The following PIEZO2 variants were observed in gnomAD, a reference collection of about 807,000 sequenced individuals.
PIEZO2 encodes the protein piezo type mechanosensitive ion channel component 2, also known as piezo-type mechanosensitive ion channel component 2.
A neutral mutation model predicts 337.3 loss-of-function variants in PIEZO2; 172 were observed. The ratio of observed to expected loss-of-function variants is 0.51; its 90% CI spans 0.45 to 0.58. The LOEUF is 0.58. PIEZO2 is among the 20% of genes least tolerant of loss of function. PIEZO2 has a pLI of 0.00. For synonymous variants in PIEZO2, 1,251 were observed against 1,228.5 expected, an observed-to-expected ratio of 1.02 and a Z score of -0.38; for missense variants, 3,028 against 3,391.3, an observed-to-expected ratio of 0.89 and a Z score of 2.66.
intron 42 of PIEZO2, 65 bp downstream of exon 42, chr18:10,704,329 A>C: frequency 6.6e-7 from 1 of 1,507,798 alleles, no homozygotes; most frequent in Non-Finnish European, 8.8e-7. Context: ...GCACAGGGAC[A>C]CAAGGTATGC....
Position 11,146,611 on chromosome 18 carries a change from A to G in PIEZO2, c.64+1914T>C, listed in dbSNP as rs542938305. Among the ~76,000 whole-genome samples the G allele has an allele frequency of 6.6e-6, 1 of 152,232 alleles. No homozygotes were observed. Among genetic ancestry groups the G allele is most frequent in the South Asian group, 2.1e-4 (1 of 4,828 alleles). On this transcript the variant is annotated intron_variant, in intron 1 of 55. Transcript: ENST00000674853. This position sits in a 1 kb window ranked among gnomAD's most constrained non-coding sequence, Gnocchi z 6.1. ...CCTTTAGTAGGACTGACAGGCCCCA[A>G]CCCCAGCATCCGCGGGGCTTGGAGG...
At chr18:10,935,419 C>T (rs922217294) in intron 3 of PIEZO2, among the ~76,000 whole-genome samples, 4 of 152,048 alleles carry the variant, frequency 2.6e-5, no homozygotes, top group African/African-American at 9.7e-5. Flanking sequence ...AAAATAACAA[C>T]GGAGGTAGAT....
chr18:10,698,824 A>G, intron 44 of PIEZO2, 101 bp downstream of exon 44: 1 of 1,381,352 alleles, frequency 7.2e-7, no homozygotes, highest in Non-Finnish European at 9.7e-7. Context: ...CTGTCTCTTG[A>G]TAGCACCCAA....
rs1368023375 is a variant in PIEZO2 at position 10,967,011 on chromosome 18, G to GTTTTTTTTTTTTTTTTTTTTTTTTT, written c.286+12523_286+12524insAAAAAAAAAAAAAAAAAAAAAAAAA. Among the ~76,000 whole-genome samples, 3 of 109,392 alleles carry GTTTTTTTTTTTTTTTTTTTTTTTTT rather than the reference G, an allele frequency of 2.7e-5. 1 individual carries two copies. Among genetic ancestry groups the GTTTTTTTTTTTTTTTTTTTTTTTTT allele is most frequent in the Non-Finnish European group, 3.8e-5 (2 of 52,756 alleles). The allele number at this position is 109,392 out of a possible 152,430, so 71.8% of individuals were successfully genotyped here. On this transcript the variant is annotated intron_variant, in intron 3 of 55. Coordinates refer to ENST00000674853, the MANE Select transcript of PIEZO2 (RefSeq NM_001378183.1). ...TGTGTATATATACCACATTTTCTCTGTTTTTTGTTTTTTTTTTTTTTTTTG... is the reference window on the plus strand; with the variant it reads ...TGTGTATATATACCACATTTTCTCTGTTTTTTTTTTTTTTTTTTTTTTTTTTTTTTTGTTTTTTTTTTTTTTTTTG...
At chr18:10,714,148 G>T (rs754979762) in intron 39 of PIEZO2, among the ~76,000 whole-genome samples, 13 of 152,138 alleles carry the variant, frequency 8.5e-5, no homozygotes, top group Non-Finnish European at 1.8e-4. Flanking sequence ...GCAAAACAGG[G>T]ATAATAATAG....
chr18:10,936,220 G>C (rs575238108), intron 3 of PIEZO2, among the ~76,000 whole-genome samples: 8 of 152,282 alleles, frequency 5.3e-5, no homozygotes, highest in African/African-American at 1.9e-4. Flanking sequence ...TTGGGGCCTT[G>C]CCTTACTTTC....
At chr18:10,986,431 A>T (rs538531440) in intron 2 of PIEZO2, among the ~76,000 whole-genome samples, 2 of 152,188 alleles carry the variant, frequency 1.3e-5, no homozygotes, top group South Asian at 2.1e-4. Context: ...ATGATTCAAC[A>T]TACACAAATC....
intron 1 of PIEZO2, among the ~76,000 whole-genome samples, chr18:11,075,650 C>T (rs1032670911): frequency 6.6e-6 from 1 of 152,194 alleles, no homozygotes; most frequent in African/African-American, 2.4e-5. Context: ...ATGCCAGTCT[C>T]TCCCACCACC....
chr18:10,943,708 T>C lies in PIEZO2; in HGVS notation c.287-32480A>G, dbSNP rs1344791993. ...ACTTTGGGGGACTGTTGGGAAGGCA[T>C]GATTGGTTTTGAAATGTGAAGATAT... On this transcript the variant is annotated intron_variant, in intron 3 of 55. Coordinates refer to ENST00000674853, the MANE Select transcript of PIEZO2 (RefSeq NM_001378183.1). The surrounding 1 kb of genome is among the most constrained non-coding windows in gnomAD (Gnocchi z 4.5). 1.3e-5 allele frequency among the ~76,000 whole-genome samples: 2 copies of C among 152,084 alleles called. No homozygotes were observed. The highest frequency in any genetic ancestry group is 2.4e-5 in the African/African-American group (1 of 41,390).
chr18:10,922,798 C>T (rs542398315), intron 3 of PIEZO2, among the ~76,000 whole-genome samples: 1 of 152,184 alleles, frequency 6.6e-6, no homozygotes, highest in South Asian at 2.1e-4. Context: ...ATTACAAAAT[C>T]CTTACATAGA....
In PIEZO2 at chr18:10,855,259, A is replaced by G; in HGVS notation, c.917+94T>C. On this transcript the variant is annotated intron_variant, in intron 7 of 55. Coordinates refer to ENST00000674853, the MANE Select transcript of PIEZO2 (RefSeq NM_001378183.1). The surrounding 1 kb of genome is among the most constrained non-coding windows in gnomAD (Gnocchi z 4.9). ...CTTAACACAGCAATTGCCTGCCATC[A>G]AGAATAACCCCTGTAAATTCACAAT... is the stretch of plus-strand genomic sequence containing the variant. 1 of 1,141,286 alleles carries G rather than the reference A, an allele frequency of 8.8e-7. No homozygotes were observed. The highest frequency in any genetic ancestry group is 1.5e-5 in the South Asian group (1 of 68,750). The allele number at this position is 1,141,286 out of a possible 1,614,324, so 70.7% of individuals were successfully genotyped here. A position where few individuals can be genotyped will look rare whatever the true frequency, so the allele number is the denominator to read the frequency against.
rs2036797065 is a variant in PIEZO2, at chr18:11,033,018, A to T, written c.160+33109T>A. Reference sequence around the variant, plus strand: ...CCTCCCTCTCTTCCAGGGCAAGCGTACAGAGACAGAGTTCCAGGGTCTGGT... The same window carrying T: ...CCTCCCTCTCTTCCAGGGCAAGCGTTCAGAGACAGAGTTCCAGGGTCTGGT... On this transcript the variant is annotated intron_variant, in intron 2 of 55. Coordinates refer to ENST00000674853, the MANE Select transcript of PIEZO2 (RefSeq NM_001378183.1). This position sits in a 1 kb window ranked among gnomAD's most constrained non-coding sequence, Gnocchi z 4.2. 6.6e-6 allele frequency among the ~76,000 whole-genome samples: 1 copy of T among 152,208 alleles called. No homozygotes were observed. The highest frequency in any genetic ancestry group is 2.4e-5 in the African/African-American group (1 of 41,454).
rs2146314459 is a variant in PIEZO2, at chr18:11,148,542, G to A, written c.47C>T (p.Pro16Leu). 1 of 1,537,208 alleles carries A rather than the reference G, an allele frequency of 6.5e-7. No homozygotes were observed. Among genetic ancestry groups the A allele is most frequent in the Non-Finnish European group, 8.7e-7 (1 of 1,146,894 alleles). Residue 16 changes from proline to leucine, a missense_variant, in exon 1 of 56, where the codon CCC becomes CTC. Pro to Leu is a moderately conservative substitution (Grantham distance 98). Coordinates refer to ENST00000674853, the MANE Select transcript of PIEZO2 (RefSeq NM_001378183.1). This position sits in a 1 kb window ranked among gnomAD's most constrained non-coding sequence, Gnocchi z 5.2. ...AGACTCACCTACTGCCAGGCAGATGGGCAGCAGCAGCCTGAAGATGAGCCC... is the reference window on the plus strand; with the variant it reads ...AGACTCACCTACTGCCAGGCAGATGAGCAGCAGCAGCCTGAAGATGAGCCC... Reference protein sequence around the residue: ...VCGLIFRLLLPICLAVACAFR... With the variant: ...VCGLIFRLLLLICLAVACAFR...
intron 36 of PIEZO2, among the ~76,000 whole-genome samples, chr18:10,729,346 C>T (rs555390294): frequency 4.6e-5 from 7 of 152,094 alleles, no homozygotes; most frequent in Non-Finnish European, 8.8e-5. Flanking sequence ...AAAATACAGG[C>T]CGGGCACAGT....
intron 2 of PIEZO2, among the ~76,000 whole-genome samples, chr18:11,000,804 G>T (rs1229984688): frequency 6.6e-6 from 1 of 152,226 alleles, no homozygotes; most frequent in Non-Finnish European, 1.5e-5. Flanking sequence ...CCTATGGAGA[G>T]TTCTGGGAGC....
chr18:10,884,251 G>C (rs1405211527), intron 4 of PIEZO2, among the ~76,000 whole-genome samples: 1 of 152,200 alleles, frequency 6.6e-6, no homozygotes, highest in East Asian at 1.9e-4. Context: ...TTTTATGGCT[G>C]AATAATATTC....
intron 4 of PIEZO2, among the ~76,000 whole-genome samples, chr18:10,900,796 T>C (rs1424969934): frequency 1.3e-5 from 2 of 152,188 alleles, no homozygotes; most frequent in Non-Finnish European, 2.9e-5. Flanking sequence ...CTCCTACTTC[T>C]GCCTCCACAC....
chr18:11,078,628 AT>A lies in PIEZO2; in HGVS notation c.65-12407del, dbSNP rs1303393934. On this transcript the variant is annotated intron_variant, in intron 1 of 55. Coordinates refer to ENST00000674853, the MANE Select transcript of PIEZO2 (RefSeq NM_001378183.1). The surrounding 1 kb of genome is among the most constrained non-coding windows in gnomAD (Gnocchi z 5.3). ...GAGAAGTAGACACACCTTTTATGGC[AT>A]GAATTCAGCCTTGGACTCTGTCTGG... 6.6e-6 allele frequency among the ~76,000 whole-genome samples: 1 copy of A among 152,218 alleles called. No homozygotes were observed. Among genetic ancestry groups the A allele is most frequent in the Non-Finnish European group, 1.5e-5 (1 of 68,044 alleles).
In PIEZO2 at chr18:10,807,156, A is replaced by G; in HGVS notation, c.1036T>C (p.Tyr346His). 2.6e-6 allele frequency: 4 copies of G among 1,537,280 alleles called. No homozygotes were observed. The highest frequency in any genetic ancestry group is 3.5e-6 in the Non-Finnish European group (4 of 1,146,912). Reference sequence around the variant, plus strand: ...ATGCGGATCAGAGTGGCCAGAGTGTAGTACATCACCAGCAGGAGGATAGGG... The same window carrying G: ...ATGCGGATCAGAGTGGCCAGAGTGTGGTACATCACCAGCAGGAGGATAGGG... ...ANPILLLVMY[Y>H]TLATLIRIWL... The change falls in exon 8 of 56, where the codon TAC (tyrosine) becomes CAC (histidine). Residue 346 changes from tyrosine (Y) to histidine (H), a missense_variant. Tyr to His is a moderately conservative substitution (Grantham distance 83, BLOSUM62 2). Coordinates refer to ENST00000674853, the MANE Select transcript of PIEZO2 (RefSeq NM_001378183.1).
Sources: gnomAD v4.1 joint callset for allele counts (sites outside exome capture counted in the v4.1 genomes callset) on GRCh38, gnomAD v4.1.1 for gene constraint, Gnocchi (gnomAD v3.1) non-coding constraint, MANE v1.5 for transcripts, NCBI Gene and HGNC (gene_info 2026-07-23, HGNC 2026-07-21) for gene names.